Variants in TUT7 observed in about 807,000 individuals in gnomAD.
TUT7 encodes the protein terminal uridylyl transferase 7.
In TUT7, 33 loss-of-function variants were observed where a neutral mutation model predicts 165.9. The ratio of observed to expected loss-of-function variants is 0.20; its 90% confidence interval spans 0.15 to 0.27. The LOEUF is 0.27. Ranked by LOEUF, TUT7 falls within the 10% of genes least tolerant of loss-of-function variation. TUT7 has a pLI of 1.00. For missense variants in TUT7, 1,338 were observed against 1,762.3 expected, an observed-to-expected ratio of 0.76 and a Z score of 4.31; for synonymous variants, 552 against 608.1, an observed-to-expected ratio of 0.91 and a Z score of 1.36.
chr9:86,338,913 A>G lies in TUT7; in HGVS notation c.1245T>C (p.Asn415=), dbSNP rs748811022. The G allele has an allele frequency of 1.9e-6, 3 of 1,611,998 alleles. No homozygotes were observed. Among genetic ancestry groups the G allele is most frequent in the Admixed American group, 1.7e-5 (1 of 59,712 alleles). ...LLCKVSAGNE[N]ACLTTKHLTA... is the part of the protein sequence containing the mutation. ...TTAAATGCTTTGTTGTCAGACAAGC[A>G]TTTTCATTTCCTGCGCTCACTTTAC... is the stretch of plus-strand genomic sequence containing the variant. The change falls in exon 9 of 27, where the codon AAT becomes AAC. Residue 415 remains asparagine (N), a synonymous_variant. Coordinates refer to ENST00000375963, the MANE Select transcript of TUT7 (RefSeq NM_024617.4).
At chr9:86,297,819 C>T (rs1258598534) in intron 26 of TUT7, among the ~76,000 whole-genome samples, 4 of 151,814 alleles carry the variant, frequency 2.6e-5, no homozygotes, top group Admixed American at 2.6e-4. Context: ...AGAAAAAAAC[C>T]AACAAAAACG....
chr9:86,301,613 A>G lies in TUT7; in HGVS notation c.4095-12T>C. ...GCCGCCGTCTTACTCTGTAGAAGAT[A>G]TCATATTAGTAGCAAAAATCTAAAC... On this transcript the variant is annotated splice_polypyrimidine_tract_variant and intron_variant, in intron 25 of 26. Coordinates refer to ENST00000375963, the MANE Select transcript of TUT7 (RefSeq NM_024617.4). 1.3e-6 allele frequency: 2 copies of G among 1,591,686 alleles called. No homozygotes were observed. The highest frequency in any genetic ancestry group is 1.8e-5 in the Admixed American group (1 of 54,314).
At chr9:86,328,113 T>C (rs1285810880) in intron 11 of TUT7, among the ~76,000 whole-genome samples, 1 of 152,180 alleles carries the variant, frequency 6.6e-6, no homozygotes, top group African/African-American at 2.4e-5. Flanking sequence ...CTGAGTCTCT[T>C]TCAAAGGAAC....
chr9:86,291,128 C>G (rs1825864743), intron 26 of TUT7, among the ~76,000 whole-genome samples: 1 of 151,904 alleles, frequency 6.6e-6, no homozygotes, highest in South Asian at 2.1e-4. Context: ...AAAGTTGAAA[C>G]AGAAGATATA....
intron 6 of TUT7, among the ~76,000 whole-genome samples, chr9:86,342,405 T>G (rs972333925): frequency 1.3e-5 from 2 of 152,084 alleles, no homozygotes; most frequent in African/African-American, 2.4e-5. Context: ...CCTTTCAGTT[T>G]TTTGTTTTTT....
At position 86,299,003 on chromosome 9, in the gene TUT7, T is replaced by A. The variant is rs964831358; in HGVS notation, c.4420+2273A>T. Among the ~76,000 whole-genome samples the A allele has an allele frequency of 5.9e-5, 9 of 152,262 alleles. No homozygotes were observed. In the South Asian group the frequency reaches 8.3e-4, roughly 14 times the overall value. ...GGAGTTCTGAAACAAGGCCCCGCCATCCGGTGCCCAGTAAGCCTCACCACG... is the reference window on the plus strand; with the variant it reads ...GGAGTTCTGAAACAAGGCCCCGCCAACCGGTGCCCAGTAAGCCTCACCACG... On this transcript the variant is annotated intron_variant, in intron 26 of 26. Transcript: ENST00000375963.
chr9:86,353,167 C>T lies in TUT7; in HGVS notation c.33G>A (p.Lys11=). 3 of 1,591,780 alleles carry T rather than the reference C, an allele frequency of 1.9e-6. No homozygotes were observed. The highest frequency in any genetic ancestry group is 2.6e-6 in the Non-Finnish European group (3 of 1,172,670). The change falls in exon 2 of 27, where the codon AAG becomes AAA. Residue 11 remains lysine (K), a synonymous_variant. Transcript: ENST00000375963. ...CCATAGTCCCCCGGTCTTTAGTGCG[C>T]TTCACGAAATAAGGTTTTGCTGTAT... is the stretch of plus-strand genomic sequence containing the variant. MGDTAKPYFV[K]RTKDRGTMDD...
rs780661622 is a variant in TUT7, at chr9:86,345,699, G to C, written c.789C>G (p.Ile263Met). 8.7e-6 allele frequency: 14 copies of C among 1,613,054 alleles called. No individual in the cohort carries two copies. In the Admixed American group the frequency reaches 1.3e-4, roughly 15 times the overall value. Residue 263 changes from isoleucine (I) to methionine (M), a missense_variant, in exon 4 of 27, where the codon ATC becomes ATG. Around this residue, in one of 7 missense-constraint regions of TUT7, gnomAD observed 434 missense variants for 480.8 expected, o/e 0.90. Coordinates refer to ENST00000375963, the MANE Select transcript of TUT7 (RefSeq NM_024617.4). Reference protein sequence around the residue: ...IESIAFAHKHIKEKRHKKNIK... With the variant: ...IESIAFAHKHMKEKRHKKNIK... ...TGTTTTTCTTGTGCCTCTTTTCCTTGATATGCTTATGGGCAAATGCAATGG... is the reference window on the plus strand; with the variant it reads ...TGTTTTTCTTGTGCCTCTTTTCCTTCATATGCTTATGGGCAAATGCAATGG...
At chr9:86,312,516 C>A (rs973887400) in intron 17 of TUT7, among the ~76,000 whole-genome samples, 14 of 151,592 alleles carry the variant, frequency 9.2e-5, no homozygotes, top group African/African-American at 3.4e-4. Flanking sequence ...GCCCGGCCAG[C>A]TGCCCCGTCT....
chr9:86,334,245 C>G (rs1830571356), intron 10 of TUT7, among the ~76,000 whole-genome samples: 1 of 152,126 alleles, frequency 6.6e-6, no homozygotes, highest in Non-Finnish European at 1.5e-5. Context: ...ATGCTCTGGG[C>G]ATTATTTCTA....
Position 86,338,857 on chromosome 9 carries a change from AC to A in TUT7, c.1300del (p.Val434PhefsTer4). On this transcript the variant is annotated frameshift_variant, in exon 9 of 27. Coordinates refer to ENST00000375963, the MANE Select transcript of TUT7 (RefSeq NM_024617.4). LOFTEE classifies it high-confidence loss of function. ...GTACCTAAATGCAATCACCAAAGGA[AC>A]CAGCTTTGGTTCTAGTTTTCCAAGG... ...TALGKLEPKLVPLVIAFRYWA... is the reference protein window; with the variant it reads ...TALGKLEPKLXPLVIAFRYWA... 1 of 1,610,706 alleles carries A rather than the reference AC, an allele frequency of 6.2e-7. No individual in the cohort carries two copies. The highest frequency in any genetic ancestry group is 1.1e-5 in the South Asian group (1 of 90,138).
At chr9:86,321,856 GCCTGAGC>G (rs1248267180) in intron 14 of TUT7, among the ~76,000 whole-genome samples, 1 of 152,130 alleles carries the variant, frequency 6.6e-6, no homozygotes, top group Non-Finnish European at 1.5e-5. Context: ...TCCTCCATTT[GCCTGAGC>G]CCAGGAGTTC....
Position 86,354,099 on chromosome 9 carries a change from G to C in TUT7, c.-32+172C>G, listed in dbSNP as rs1832539982. ...TGGGGTTCCAGGGTTCCCCCGGCCG[G>C]CCAGGGGGCCAGAGCCGAATGTCTT... On this transcript the variant is annotated intron_variant, in intron 1 of 26. Transcript: ENST00000375963. 2.6e-5 allele frequency among the ~76,000 whole-genome samples: 4 copies of C among 152,314 alleles called. No homozygotes were observed. In the South Asian group the frequency reaches 8.3e-4, roughly 32 times the overall value.
At chr9:86,291,572 C>CA (rs969598470) in intron 26 of TUT7, among the ~76,000 whole-genome samples, 1,067 of 47,566 alleles carry the variant, frequency 0.022, 14 homozygotes, top group East Asian at 0.063. Context: ...AACTCCATCT[C>CA]AAAAAAAAAA....
chr9:86,302,849 T>G (rs2131311823), intron 25 of TUT7, among the ~76,000 whole-genome samples: 1 of 152,290 alleles, frequency 6.6e-6, no homozygotes, highest in South Asian at 2.1e-4. Context: ...CCTCAGGTGA[T>G]CCACTCGCCT....
Position 86,352,838 on chromosome 9 carries a change from C to A in TUT7, c.362G>T (p.Arg121Ile). 3 of 1,614,128 alleles carry A rather than the reference C, an allele frequency of 1.9e-6. No individual in the cohort carries two copies. Among genetic ancestry groups the A allele is most frequent in the South Asian group, 2.2e-5 (2 of 91,080 alleles). ...DNWREFKPGP[R>I]IPVINRQRKD... ...TCTTTGTCGGTTTATAACAGGAATTCTAGGTCCAGGTTTGAATTCTCTCCA... is the reference window on the plus strand; with the variant it reads ...TCTTTGTCGGTTTATAACAGGAATTATAGGTCCAGGTTTGAATTCTCTCCA... Residue 121 changes from arginine (R) to isoleucine (I), a missense_variant, in exon 2 of 27, where the codon AGA becomes ATA. Physicochemically the swap from Arg to Ile is moderately conservative, Grantham distance 97. Coordinates refer to ENST00000375963, the MANE Select transcript of TUT7 (RefSeq NM_024617.4).
At position 86,323,743 on chromosome 9, in the gene TUT7, A is replaced by G; in HGVS notation, c.2007T>C (p.Asp669=). The G allele has an allele frequency of 6.2e-7, 1 of 1,613,628 alleles. No homozygotes were observed. The highest frequency in any genetic ancestry group is 8.5e-7 in the Non-Finnish European group (1 of 1,179,678). The change falls in exon 13 of 27, where the codon GAT becomes GAC. Residue 669 remains aspartate, a synonymous_variant. Transcript: ENST00000375963. ...GGGCCAAAACTGAGTTTTTGAGCTT[A>G]TCATCTTTTGTTTGTACATCTGGAT... is the stretch of plus-strand genomic sequence containing the variant. ...NHHPDVQTKD[D]KLKNSVLAQG...
At chr9:86,312,550 C>A (rs1230034643) in intron 17 of TUT7, among the ~76,000 whole-genome samples, 1 of 151,968 alleles carries the variant, frequency 6.6e-6, no homozygotes, top group African/African-American at 2.4e-5. Flanking sequence ...CGCCTCTGCC[C>A]GGCCGCCCCT....
At chr9:86,319,198 T>C (rs1203386492) in intron 15 of TUT7, 140 bp from the exon 16 acceptor site, 6 of 598,494 alleles carry the variant, frequency 1.0e-5, no homozygotes, top group Non-Finnish European at 1.7e-5. Context: ...TCTGATTAAC[T>C]GGTCATTTAT....
Sources: allele counts gnomAD v4.1 joint callset (sites outside exome capture counted in the v4.1 genomes callset), GRCh38; gene constraint gnomAD v4.1.1; regional missense constraint gnomAD v4.1.1; transcripts MANE v1.5; gene names NCBI Gene and HGNC (gene_info 2026-07-23, HGNC 2026-07-21).